SV2C: variants seen among roughly 807,000 people sequenced by gnomAD.
SV2C encodes synaptic vesicle glycoprotein 2C, also known as solute carrier family 22 member B3.
SV2C carries 49 observed loss-of-function variants against 79.7 expected under a neutral mutation model. The ratio of observed to expected loss-of-function variants is 0.61; its 90% CI spans 0.49 to 0.78. SV2C has a LOEUF of 0.78. Ranked by LOEUF, SV2C falls within the 30% of genes least tolerant of loss-of-function variation. The pLI is 0.00. For synonymous variants in SV2C, 334 were observed against 333.2 expected (o/e 1.00, Z -0.03); for missense variants, 833 against 912.9 (o/e 0.91, Z 1.13).
Position 76,325,670 on chromosome 5 carries a change from T to G in SV2C, c.*123T>G, listed in dbSNP as rs1470908929. ...GATCAAGTATCAGAACATAAACACGTGCTGTGACTTAAAATTTAGAAGCAT... is the reference window on the plus strand; with the variant it reads ...GATCAAGTATCAGAACATAAACACGGGCTGTGACTTAAAATTTAGAAGCAT... On this transcript the variant is annotated 3_prime_UTR_variant, in exon 13 of 13. Coordinates refer to ENST00000502798, the MANE Select transcript of SV2C (RefSeq NM_014979.4). The G allele has an allele frequency of 1.5e-6, 2 of 1,350,996 alleles. No individual in the cohort carries two copies. Among genetic ancestry groups the G allele is most frequent in the East Asian group, 4.8e-5 (2 of 41,820 alleles). The allele number at this position is 1,350,996 out of a possible 1,614,324, so 83.7% of individuals were successfully genotyped here.
At chr5:76,109,605 G>T (rs1177030667) in intron 1 of SV2C, among the ~76,000 whole-genome samples, 3 of 152,164 alleles carry the variant, frequency 2.0e-5, no homozygotes, top group Non-Finnish European at 4.4e-5. Context: ...GGTCATTGGG[G>T]TGGGCACTAA....
intron 4 of SV2C, chr5:76,280,806 C>T (rs949681377): frequency 5.3e-6 from 2 of 380,918 alleles, no homozygotes; most frequent in African/African-American, 2.1e-5. Context: ...GGTCTAAGCA[C>T]AATCTCAGCT....
the SV2C span, among the ~76,000 whole-genome samples, chr5:76,017,369 C>T: frequency 1.3e-5 from 2 of 152,108 alleles, no homozygotes; most frequent in African/African-American, 2.4e-5. Flanking sequence ...TCACTGCAAC[C>T]TCCTCCTCCT....
chr5:75,917,870 C>A, the SV2C span, among the ~76,000 whole-genome samples: 1 of 152,056 alleles, frequency 6.6e-6, no homozygotes, highest in Non-Finnish European at 1.5e-5. Context: ...GAGACAGATA[C>A]CTCATTCTCC....
intron 1 of SV2C, among the ~76,000 whole-genome samples, chr5:76,090,394 T>G (rs763160635): frequency 2.0e-5 from 3 of 152,240 alleles, no homozygotes; most frequent in Admixed American, 6.5e-5. Context: ...TTAGTCTTCG[T>G]GGTAACCCTG....
intron 2 of SV2C, among the ~76,000 whole-genome samples, chr5:76,152,401 C>T (rs893984945): frequency 1.3e-5 from 2 of 152,054 alleles, no homozygotes; most frequent in African/African-American, 4.8e-5. Flanking sequence ...TCTTTGTAGC[C>T]ATTTGGGTCA....
intron 4 of SV2C, among the ~76,000 whole-genome samples, chr5:76,234,583 A>G (rs1745552474): frequency 6.6e-6 from 1 of 152,228 alleles, no homozygotes; most frequent in African/African-American, 2.4e-5. Context: ...ACTTCATCAT[A>G]ACAACCTGAT....
At chr5:76,150,678 C>T (rs1401117577) in intron 2 of SV2C, among the ~76,000 whole-genome samples, 1 of 119,714 alleles carries the variant, frequency 8.4e-6, no homozygotes, top group South Asian at 2.8e-4. Flanking sequence ...CACTCTGTTG[C>T]CCAGGCTGGA....
intron 4 of SV2C, among the ~76,000 whole-genome samples, chr5:76,253,793 A>T (rs1021251453): frequency 6.6e-6 from 1 of 151,842 alleles, no homozygotes; most frequent in African/African-American, 2.4e-5. Flanking sequence ...ATTTAATATC[A>T]CCGAGTCAAA....
At chr5:75,965,470 A>G in the SV2C span, among the ~76,000 whole-genome samples, 18 of 152,168 alleles carry the variant, frequency 1.2e-4, no homozygotes, top group Non-Finnish European at 2.4e-4. Flanking sequence ...TTATTTGCCT[A>G]TTCTGCCATG....
chr5:76,140,999 AT>A (rs1749233381), intron 2 of SV2C, among the ~76,000 whole-genome samples: 1 of 152,208 alleles, frequency 6.6e-6, no homozygotes, highest in African/African-American at 2.4e-5. Flanking sequence ...TGGATTCATT[AT>A]TGCAAAATTG....
intron 12 of SV2C, among the ~76,000 whole-genome samples, chr5:76,342,466 G>A (rs966936932): frequency 1.2e-4 from 19 of 152,242 alleles, no homozygotes; most frequent in Admixed American, 6.5e-5. Context: ...TAATTTACGA[G>A]GATGAATGCA....
At chr5:76,268,028 C>T (rs374108060) in intron 4 of SV2C, among the ~76,000 whole-genome samples, 9 of 152,260 alleles carry the variant, frequency 5.9e-5, no homozygotes, top group African/African-American at 1.4e-4. Flanking sequence ...ACATTTTCAA[C>T]GATATCCTCC....
intron 4 of SV2C, among the ~76,000 whole-genome samples, chr5:76,271,616 C>CTTTTTTTTTTTTTTT (rs34458409): frequency 1.1e-4 from 11 of 96,064 alleles, no homozygotes; most frequent in East Asian, 3.3e-4. Flanking sequence ...AGCATGTGTT[C>CTTTTTTTTTTTTTTT]TTTTTTTTTT....
At chr5:75,886,738 A>G in the SV2C span, among the ~76,000 whole-genome samples, 4 of 152,082 alleles carry the variant, frequency 2.6e-5, no homozygotes, top group African/African-American at 9.7e-5. Context: ...CAGAGTTATT[A>G]CTTGGTGGTC....
chr5:76,111,027 C>T (rs745565270), intron 1 of SV2C, among the ~76,000 whole-genome samples: 5 of 152,178 alleles, frequency 3.3e-5, no homozygotes, highest in Non-Finnish European at 5.9e-5. Context: ...TCAAGTGAGA[C>T]AAAACATGTT....
the SV2C span, among the ~76,000 whole-genome samples, chr5:75,866,845 G>T: frequency 4.6e-5 from 7 of 152,212 alleles, no homozygotes; most frequent in Non-Finnish European, 8.8e-5. Flanking sequence ...AGGAAAATAA[G>T]ACAGTGAGTC....
intron 1 of SV2C, among the ~76,000 whole-genome samples, chr5:76,115,863 C>T (rs980286640): frequency 3.9e-5 from 6 of 152,206 alleles, no homozygotes; most frequent in African/African-American, 1.4e-4. Context: ...TTCCTTGACC[C>T]CCTCTCCCTG....
intron 4 of SV2C, among the ~76,000 whole-genome samples, chr5:76,236,487 A>G (rs773117128): frequency 6.6e-6 from 1 of 152,052 alleles, no homozygotes; most frequent in African/African-American, 2.4e-5. Context: ...ACTTGAACCC[A>G]GGGGGCAGAG....
Sources: allele counts gnomAD v4.1 joint callset (sites outside exome capture counted in the v4.1 genomes callset), GRCh38; gene constraint gnomAD v4.1.1; transcripts MANE v1.5; gene names NCBI Gene and HGNC (gene_info 2026-07-23, HGNC 2026-07-21).